The following EHD4 variants were observed in gnomAD, a reference collection of about 807,000 sequenced individuals.
The protein encoded by EHD4 is EH domain-containing protein 4.
EHD4 carries 37 observed loss-of-function variants against 51.0 expected under a neutral mutation model. The observed-to-expected ratio is 0.73, with a 90% CI of 0.56 to 0.95. The LOEUF (loss-of-function observed/expected upper bound fraction) is 0.95, where lower values mean the gene tolerates loss of function less well. Ranked by LOEUF, EHD4 falls within the 40% of genes least tolerant of loss-of-function variation. The pLI, the probability that EHD4 is intolerant of heterozygous loss-of-function variation, is 0.00. For missense variants in EHD4, 632 were observed against 733.1 expected (o/e 0.86, Z 1.59); for synonymous variants, 297 against 317.3 (o/e 0.94, Z 0.68).
At chr15:41,949,016 C>CCATATATATATATATATATA (rs2067833860) in intron 2 of EHD4, among the ~76,000 whole-genome samples, 1 of 92,446 alleles carries the variant, frequency 1.1e-5, no homozygotes, top group Non-Finnish European at 2.1e-5. Context: ...CAGAGTGAGA[C>CCATATATATATATATATATA]TATATATATA....
intron 4 of EHD4, among the ~76,000 whole-genome samples, chr15:41,910,549 T>C (rs528990428): frequency 1.3e-5 from 2 of 152,076 alleles, no homozygotes; most frequent in East Asian, 1.9e-4. Flanking sequence ...TATTAAGAAA[T>C]GTTCACTACA....
In EHD4 at chr15:41,929,076, T is replaced by C. The variant is rs114325013; in HGVS notation, c.512-9454A>G. Among the ~76,000 whole-genome samples the C allele has an allele frequency of 5.8e-3, 880 of 152,216 alleles. 8 individuals carry two copies. Among genetic ancestry groups the C allele is most frequent in the African/African-American group, 0.02 (836 of 41,534 alleles). On this transcript the variant is annotated intron_variant, in intron 3 of 5. Coordinates refer to ENST00000220325, the MANE Select transcript of EHD4 (RefSeq NM_139265.4). Reference sequence around the variant, plus strand: ...ACTGGTTACCAGAAAACCCCAGAGGTTGTCTCCCAGTACCTAGCCTAAAGT... The same window carrying C: ...ACTGGTTACCAGAAAACCCCAGAGGCTGTCTCCCAGTACCTAGCCTAAAGT...
chr15:41,962,664 G>C (rs371697750), intron 1 of EHD4, among the ~76,000 whole-genome samples: 3 of 152,088 alleles, frequency 2.0e-5, no homozygotes, highest in East Asian at 3.9e-4. Flanking sequence ...CGCCCCGTCC[G>C]GGAGGGAGGC....
chr15:41,972,415 C>A lies in EHD4; in HGVS notation c.80G>T (p.Gly27Val). 1 of 1,608,278 alleles carries A rather than the reference C, an allele frequency of 6.2e-7. No homozygotes were observed. The highest frequency in any genetic ancestry group is 1.1e-5 in the South Asian group (1 of 90,454). The change falls in exon 1 of 6, where the codon GGG becomes GTG. Residue 27 changes from glycine (G) to valine (V), a missense_variant. Coordinates refer to ENST00000220325, the MANE Select transcript of EHD4 (RefSeq NM_139265.4). ...CTTGCGCAGGTAGAGCGAGCGCAGC[C>A]CGCCCGTCACCGTCTGCACCGCGTC... Reference protein sequence around the residue: ...GADAVQTVTGGLRSLYLRKVL... With the variant: ...GADAVQTVTGVLRSLYLRKVL...
intron 1 of EHD4, among the ~76,000 whole-genome samples, chr15:41,964,054 A>T (rs1002259478): frequency 3.4e-5 from 5 of 147,014 alleles, no homozygotes; most frequent in African/African-American, 1.3e-4. Flanking sequence ...CTGAGGCAGG[A>T]GAATGGCGTG....
intron 3 of EHD4, among the ~76,000 whole-genome samples, chr15:41,932,181 A>G (rs1292818048): frequency 6.6e-6 from 1 of 152,190 alleles, no homozygotes. Context: ...GTCTATCTAT[A>G]TGATGGACTG....
At chr15:41,928,884 T>C (rs1201449906) in intron 3 of EHD4, 1 of 152,296 alleles carries the variant, frequency 6.6e-6, no homozygotes, top group African/African-American at 2.4e-5. Context: ...CTGCCCCCTT[T>C]TCCCCAGCTG....
chr15:41,971,696 A>G (rs2141012627), intron 1 of EHD4, among the ~76,000 whole-genome samples: 1 of 152,332 alleles, frequency 6.6e-6, no homozygotes, highest in East Asian at 1.9e-4. Flanking sequence ...CGGGCGGCTA[A>G]AGGCGGTGCA....
Position 41,901,131 on chromosome 15 carries a change from C to T in EHD4, c.1140G>A (p.Lys380=). ...DFTKFHSLKP[K]LIEAVDNMLS... ...GCATGTTGTCCACTGCCTCGATCAG[C>T]TTGGGCTTCAGCGAGTGGAATTTGG... Residue 380 remains lysine (K), a synonymous_variant, in exon 6 of 6, where the codon AAG becomes AAA. Coordinates refer to ENST00000220325, the MANE Select transcript of EHD4 (RefSeq NM_139265.4). The T allele has an allele frequency of 6.3e-7, 1 of 1,585,484 alleles. No homozygotes were observed.
chr15:41,923,076 T>G (rs987259596), intron 3 of EHD4, among the ~76,000 whole-genome samples: 1 of 152,194 alleles, frequency 6.6e-6, no homozygotes, highest in Non-Finnish European at 1.5e-5. Flanking sequence ...TACTGCACAG[T>G]GGCATTAAAT....
intron 1 of EHD4, among the ~76,000 whole-genome samples, chr15:41,958,752 T>C (rs1404366602): frequency 1.3e-5 from 2 of 152,114 alleles, no homozygotes. Flanking sequence ...TACCTAACGC[T>C]TGAGGACTCG....
At chr15:41,958,761 C>T (rs1166680846) in intron 1 of EHD4, among the ~76,000 whole-genome samples, 1 of 152,102 alleles carries the variant, frequency 6.6e-6, no homozygotes, top group African/African-American at 2.4e-5. Flanking sequence ...CTTGAGGACT[C>T]GTTATGTGCT....
chr15:41,966,661 G>A (rs1235602105), intron 1 of EHD4, among the ~76,000 whole-genome samples: 2 of 152,210 alleles, frequency 1.3e-5, no homozygotes, highest in East Asian at 3.8e-4. Context: ...CATGAGGAGG[G>A]CCACAGAGCC....
intron 3 of EHD4, chr15:41,942,247 GT>G (rs570868200): frequency 3.0e-4 from 41 of 137,540 alleles, no homozygotes; most frequent in East Asian, 8.6e-4. Context: ...CCGGTTTTTT[GT>G]TTTTTTTTTT....
chr15:41,968,862 G>A (rs1007707556), intron 1 of EHD4, among the ~76,000 whole-genome samples: 3 of 152,112 alleles, frequency 2.0e-5, no homozygotes, highest in Non-Finnish European at 4.4e-5. Context: ...ACAAAGTTGT[G>A]CAACCAATAT....
chr15:41,901,283 C>T, intron 5 of EHD4, 102 bp from the exon 6 acceptor site: 4 of 1,265,652 alleles, frequency 3.2e-6, no homozygotes, highest in South Asian at 1.5e-5. Context: ...GGCAGACGTC[C>T]CACCCACTAC....
At chr15:41,910,304 C>A (rs2067540947) in intron 4 of EHD4, among the ~76,000 whole-genome samples, 1 of 152,092 alleles carries the variant, frequency 6.6e-6, no homozygotes, top group South Asian at 2.1e-4. Context: ...TCCCCATAAC[C>A]CCCCTGTTAT....
chr15:41,960,658 A>C (rs1703871705), intron 1 of EHD4, among the ~76,000 whole-genome samples: 1 of 150,422 alleles, frequency 6.6e-6, no homozygotes, highest in South Asian at 2.1e-4. Flanking sequence ...AGTTAGGCTG[A>C]TCTTCACTTA....
intron 3 of EHD4, among the ~76,000 whole-genome samples, chr15:41,930,244 G>A (rs569349791): frequency 2.7e-4 from 41 of 151,728 alleles, no homozygotes; most frequent in African/African-American, 7.3e-4. Flanking sequence ...CAGGAATCCC[G>A]TGTCACGCAC....
Sources: allele counts gnomAD v4.1 joint callset (sites outside exome capture counted in the v4.1 genomes callset), GRCh38; gene constraint gnomAD v4.1.1; transcripts MANE v1.5; gene names NCBI Gene and HGNC (gene_info 2026-07-23, HGNC 2026-07-21).